SCARA3: variants seen among roughly 807,000 people sequenced by gnomAD.
The protein encoded by SCARA3 is cellular stress response gene protein.
In SCARA3, 39 loss-of-function variants were observed where a neutral mutation model predicts 47.0. The ratio of observed to expected loss-of-function variants is 0.83; its 90% CI spans 0.64 to 1.08. SCARA3 has a LOEUF of 1.08. Ranked by LOEUF, SCARA3 falls within the 50% of genes least tolerant of loss-of-function variation. The pLI is 0.00. For missense variants in SCARA3, 724 were observed against 792.3 expected (o/e 0.91, Z 1.04); for synonymous variants, 356 against 334.1 (o/e 1.07, Z -0.71).
the SCARA3 span, among the ~76,000 whole-genome samples, chr8:27,711,016 G>A: frequency 3.3e-5 from 5 of 149,420 alleles, no homozygotes; most frequent in South Asian, 6.3e-4. Flanking sequence ...TCTGCCTCCC[G>A]GGTTCAAGCG....
the SCARA3 span, among the ~76,000 whole-genome samples, chr8:27,689,660 GC>G: frequency 6.6e-6 from 1 of 152,150 alleles, no homozygotes; most frequent in African/African-American, 2.4e-5. Context: ...TTTGGGGATG[GC>G]CCAGCTGGGT....
intron 5 of SCARA3, among the ~76,000 whole-genome samples, chr8:27,667,770 G>A (rs1194932974): frequency 2.0e-5 from 3 of 152,178 alleles, no homozygotes; most frequent in Non-Finnish European, 4.4e-5. Context: ...ACTATGGCAC[G>A]CCAGCACCGA....
intron 5 of SCARA3, among the ~76,000 whole-genome samples, chr8:27,660,293 G>GTATA (rs1013092722): frequency 6.6e-6 from 1 of 151,640 alleles, no homozygotes; most frequent in Admixed American, 6.6e-5. Context: ...AATCAATAGT[G>GTATA]TATATATATA....
At chr8:27,696,021 T>C in the SCARA3 span, among the ~76,000 whole-genome samples, 1 of 152,050 alleles carries the variant, frequency 6.6e-6, no homozygotes, top group Non-Finnish European at 1.5e-5. Flanking sequence ...TTTTTTATTT[T>C]AATTTTTTTT....
chr8:27,707,196 G>T, the SCARA3 span, among the ~76,000 whole-genome samples: 27 of 152,224 alleles, frequency 1.8e-4, no homozygotes, highest in African/African-American at 6.5e-4. Flanking sequence ...TGGAAAATAT[G>T]ATTCTTTAGA....
At chr8:27,665,301 G>A (rs2128922525) in intron 5 of SCARA3, among the ~76,000 whole-genome samples, 1 of 152,306 alleles carries the variant, frequency 6.6e-6, no homozygotes, top group Non-Finnish European at 1.5e-5. Flanking sequence ...AACTATTCCA[G>A]CTCTAATTAA....
chr8:27,729,554 G>A, the SCARA3 span, among the ~76,000 whole-genome samples: 1 of 152,182 alleles, frequency 6.6e-6, no homozygotes, highest in Admixed American at 6.5e-5. Flanking sequence ...ACTTTGGGAG[G>A]CCGAGGCGGG....
At chr8:27,649,821 C>T (rs373564254) in intron 2 of SCARA3, 21 bp downstream of exon 2, 325 of 1,596,544 alleles carry the variant, frequency 2.0e-4, no homozygotes, top group Non-Finnish European at 2.6e-4. Flanking sequence ...TGGGGCTGCC[C>T]CTGATCTCCG....
At chr8:27,685,946 A>T in the SCARA3 span, among the ~76,000 whole-genome samples, 2 of 152,216 alleles carry the variant, frequency 1.3e-5, no homozygotes, top group Non-Finnish European at 2.9e-5. Context: ...ATGTGTACAG[A>T]GGATGTTAAA....
At chr8:27,716,306 T>C in the SCARA3 span, among the ~76,000 whole-genome samples, 1 of 151,666 alleles carries the variant, frequency 6.6e-6, no homozygotes, top group Admixed American at 6.6e-5. Flanking sequence ...GCAAGATCTC[T>C]CTATATAAAT....
chr8:27,702,292 A>C, the SCARA3 span: 5 of 152,266 alleles, frequency 3.3e-5, no homozygotes, highest in African/African-American at 7.2e-5. Flanking sequence ...CCCTCCCTGC[A>C]GCCTGGCTGG....
chr8:27,654,802 AGAAAAAG>A (rs1801708458), intron 3 of SCARA3, among the ~76,000 whole-genome samples: 1 of 67,010 alleles, frequency 1.5e-5, no homozygotes, highest in African/African-American at 4.9e-5. Flanking sequence ...AAAAAAAAAA[AGAAAAAG>A]AAAAAAAGAA....
chr8:27,640,318 T>G (rs1362604140), intron 1 of SCARA3, among the ~76,000 whole-genome samples: 1 of 152,222 alleles, frequency 6.6e-6, no homozygotes, highest in African/African-American at 2.4e-5. Flanking sequence ...TCTTCAGAAA[T>G]CATTCTGTGT....
At chr8:27,660,511 T>C (rs938894465) in intron 5 of SCARA3, among the ~76,000 whole-genome samples, 1 of 148,380 alleles carries the variant, frequency 6.7e-6, no homozygotes, top group Admixed American at 6.7e-5. Flanking sequence ...ATAGATAGGA[T>C]AGAGATAAAG....
the SCARA3 span, among the ~76,000 whole-genome samples, chr8:27,722,527 C>T: frequency 6.6e-6 from 1 of 152,150 alleles, no homozygotes; most frequent in African/African-American, 2.4e-5. Flanking sequence ...CCATAGTATC[C>T]ACAACATGTC....
Position 27,672,884 on chromosome 8 carries a change from T to C in SCARA3, c.*1533T>C. On this transcript the variant is annotated 3_prime_UTR_variant, in exon 6 of 6. Transcript: ENST00000301904. ...GCAGCCCTTCCCTGCTCAAAGCCTTTCCGCACCCTCCTGACTGTCCTGGAT... is the reference window on the plus strand; with the variant it reads ...GCAGCCCTTCCCTGCTCAAAGCCTTCCCGCACCCTCCTGACTGTCCTGGAT... 1 of 985,666 alleles carries C rather than the reference T, an allele frequency of 1.0e-6. No homozygotes were observed. Among genetic ancestry groups the C allele is most frequent in the Non-Finnish European group, 1.2e-6 (1 of 830,106 alleles). The allele number at this position is 985,666 out of a possible 1,614,324, so 61.1% of individuals were successfully genotyped here. A position where few individuals can be genotyped will look rare whatever the true frequency, so the allele number is the denominator to read the frequency against.
intron 1 of SCARA3, among the ~76,000 whole-genome samples, chr8:27,636,437 A>G (rs1286578266): frequency 1.3e-5 from 2 of 152,152 alleles, no homozygotes; most frequent in Non-Finnish European, 2.9e-5. Flanking sequence ...CCCTGTCTCT[A>G]AAAAAATAGA....
the SCARA3 span, among the ~76,000 whole-genome samples, chr8:27,697,691 C>T: frequency 6.6e-6 from 1 of 152,152 alleles, no homozygotes; most frequent in Non-Finnish European, 1.5e-5. Flanking sequence ...ATACTTGAAT[C>T]ATGGGTGTGG....
chr8:27,733,417 T>A, the SCARA3 span: 2 of 152,240 alleles, frequency 1.3e-5, no homozygotes, highest in South Asian at 4.1e-4. Flanking sequence ...AATGACAGAA[T>A]GTGCATAAAA....
Sources: allele counts gnomAD v4.1 joint callset (sites outside exome capture counted in the v4.1 genomes callset), GRCh38; gene constraint gnomAD v4.1.1; transcripts MANE v1.5; gene names NCBI Gene and HGNC (gene_info 2026-07-23, HGNC 2026-07-21).